PKHD1: variants seen among roughly 807,000 people sequenced by gnomAD.
The protein encoded by PKHD1 is fibrocystin.
A neutral mutation model predicts 412.0 loss-of-function variants in PKHD1; 291 were observed. The observed-to-expected ratio is 0.71, with a 90% confidence interval of 0.64 to 0.78. The LOEUF (loss-of-function observed/expected upper bound fraction) is 0.78. Among genes scored for constraint, PKHD1 ranks in the 30% least tolerant of loss-of-function variants. The probability of loss-of-function intolerance (pLI) is 0.00; values close to 1 mark genes in which losing one functional copy is unlikely to be tolerated. For missense variants in PKHD1, 4,825 were observed against 4,950.7 expected (o/e 0.97, Z 0.76); for synonymous variants, 1,777 against 1,821.5 (o/e 0.98, Z 0.62).
intron 36 of PKHD1, among the ~76,000 whole-genome samples, chr6:51,954,054 C>G (rs1790766859): frequency 6.6e-6 from 1 of 152,102 alleles, no homozygotes; most frequent in Non-Finnish European, 1.5e-5. Flanking sequence ...TATATAGAAG[C>G]AGCCACTATC....
At chr6:51,834,962 T>G (rs565739041) in intron 51 of PKHD1, among the ~76,000 whole-genome samples, 1 of 152,238 alleles carries the variant, frequency 6.6e-6, no homozygotes, top group Non-Finnish European at 1.5e-5. Context: ...TATGACTAAG[T>G]TTAATATCTG....
chr6:51,874,349 G>T (rs1164936204), intron 46 of PKHD1, among the ~76,000 whole-genome samples: 1 of 152,222 alleles, frequency 6.6e-6, no homozygotes, highest in Non-Finnish European at 1.5e-5. Context: ...AACAAACTAC[G>T]CACCCAAACT....
intron 61 of PKHD1, among the ~76,000 whole-genome samples, chr6:51,655,808 G>A (rs982491804): frequency 2.0e-5 from 3 of 152,126 alleles, no homozygotes; most frequent in Admixed American, 2.0e-4. Context: ...ATGCCAGTCA[G>A]AAAGGCAATT....
chr6:51,629,542 G>A (rs1312030946), intron 65 of PKHD1, among the ~76,000 whole-genome samples: 1 of 151,522 alleles, frequency 6.6e-6, no homozygotes, highest in African/African-American at 2.4e-5. Context: ...TGATCAAGAA[G>A]GATATACCCT....
At chr6:51,914,320 G>A (rs1317153245) in intron 37 of PKHD1, among the ~76,000 whole-genome samples, 1 of 152,058 alleles carries the variant, frequency 6.6e-6, no homozygotes, top group African/African-American at 2.4e-5. Context: ...TTACATCTTT[G>A]TAAATATTGA....
intron 29 of PKHD1, among the ~76,000 whole-genome samples, chr6:52,029,306 T>C (rs1802695634): frequency 6.6e-6 from 1 of 152,186 alleles, no homozygotes; most frequent in Admixed American, 6.5e-5. Flanking sequence ...AGCAACTCTA[T>C]TAAAATGTGT....
intron 43 of PKHD1, among the ~76,000 whole-genome samples, chr6:51,901,141 C>T (rs1741235789): frequency 6.6e-6 from 1 of 152,096 alleles, no homozygotes; most frequent in South Asian, 2.1e-4. Context: ...CTAGAAATAC[C>T]ATTTGACCCA....
intron 66 of PKHD1, 41 bp downstream of exon 66, chr6:51,626,956 G>A: frequency 6.2e-7 from 1 of 1,603,856 alleles, no homozygotes; most frequent in East Asian, 2.2e-5. Flanking sequence ...CATCCACAGT[G>A]GGTCTCTCCT....
intron 35 of PKHD1, among the ~76,000 whole-genome samples, chr6:51,999,538 C>T (rs552257575): frequency 6.2e-4 from 94 of 152,264 alleles, no homozygotes; most frequent in African/African-American, 2.1e-3. Flanking sequence ...ATGTTAGGAG[C>T]AGTTACTGTG....
chr6:51,963,917 G>C (rs1226912825), intron 35 of PKHD1, among the ~76,000 whole-genome samples: 1 of 151,982 alleles, frequency 6.6e-6, no homozygotes, highest in Non-Finnish European at 1.5e-5. Flanking sequence ...TCTTCCTGGA[G>C]ATAAACACAT....
At chr6:51,693,030 G>GT (rs1778365689) in intron 60 of PKHD1, among the ~76,000 whole-genome samples, 1 of 152,032 alleles carries the variant, frequency 6.6e-6, no homozygotes, top group African/African-American at 2.4e-5. Flanking sequence ...ATGTATTGTT[G>GT]TTTTTTGCTG....
rs529682966 is a variant in PKHD1, at chr6:51,836,464, C to A, written c.8113G>T (p.Gly2705Cys). 6.2e-7 allele frequency: 1 copy of A among 1,611,486 alleles called. No individual in the cohort carries two copies. Among genetic ancestry groups the A allele is most frequent in the African/African-American group, 1.3e-5 (1 of 74,932 alleles). The change falls in exon 51 of 67, where the codon GGT (glycine) becomes TGT (cysteine). Residue 2705 changes from glycine (G) to cysteine (C), a missense_variant. Physicochemically the swap from Gly to Cys is radical, Grantham distance 159 (BLOSUM62 -3). Coordinates refer to ENST00000371117, the MANE Select transcript of PKHD1 (RefSeq NM_138694.4). ...AGAATGACTTGAACTTGGCCTTCAC[C>A]TGAAACTAAATACCAAAAGCCACAA... ...QLRQLTYLVS[G>C]EGQVQVILRV... is the part of the protein sequence containing the mutation.
intron 37 of PKHD1, among the ~76,000 whole-genome samples, chr6:51,928,088 C>T (rs933333123): frequency 1.3e-5 from 2 of 152,150 alleles, no homozygotes; most frequent in Non-Finnish European, 2.9e-5. Context: ...CACCTTACCT[C>T]TTCCACCTGC....
At chr6:52,062,209 T>A (rs1280738780) in intron 14 of PKHD1, among the ~76,000 whole-genome samples, 1 of 152,232 alleles carries the variant, frequency 6.6e-6, no homozygotes, top group African/African-American at 2.4e-5. Context: ...ACCAGGTACC[T>A]AAAGCATGTT....
At position 51,920,301 on chromosome 6, in the gene PKHD1, G is replaced by A. The variant is rs73431527; in HGVS notation, c.6122-7725C>T. Among the ~76,000 whole-genome samples the A allele has an allele frequency of 2.9e-3, 435 of 152,252 alleles. 1 individual carries two copies. Among genetic ancestry groups the A allele is most frequent in the African/African-American group, 9.6e-3 (400 of 41,578 alleles). ...CTCTTATGAGTTTGACATACATCCC[G>A]TCAATACCTAGTTTATTCAGAGTTT... On this transcript the variant is annotated intron_variant, in intron 37 of 66. Transcript: ENST00000371117.
intron 43 of PKHD1, among the ~76,000 whole-genome samples, chr6:51,895,516 C>T (rs538077348): frequency 6.6e-6 from 1 of 152,276 alleles, no homozygotes; most frequent in Non-Finnish European, 1.5e-5. Flanking sequence ...TTTCCTTTTT[C>T]TTCCCCCACA....
At chr6:52,053,993 C>A in intron 20 of PKHD1, 45 bp downstream of exon 20, 1 of 1,610,860 alleles carries the variant, frequency 6.2e-7, no homozygotes, top group Non-Finnish European at 8.5e-7. Flanking sequence ...AGTGAATCCT[C>A]CCAGCTGACT....
At chr6:51,712,503 TAA>T (rs1780776190) in intron 60 of PKHD1, among the ~76,000 whole-genome samples, 3 of 152,208 alleles carry the variant, frequency 2.0e-5, no homozygotes, top group African/African-American at 2.4e-5. Flanking sequence ...ATCATCAATA[TAA>T]GTCAAAAGAA....
intron 1 of PKHD1, among the ~76,000 whole-genome samples, chr6:52,086,106 A>ACACTTT (rs913681309): frequency 2.1e-5 from 3 of 146,110 alleles, no homozygotes; most frequent in Admixed American, 6.8e-5. Context: ...ACACACACAA[A>ACACTTT]GTGTGTGTGT....
Sources: gnomAD v4.1 joint callset for allele counts (sites outside exome capture counted in the v4.1 genomes callset) on GRCh38, gnomAD v4.1.1 for gene constraint, MANE v1.5 for transcripts, NCBI Gene and HGNC (gene_info 2026-07-23, HGNC 2026-07-21) for gene names.